Variants in GALNTL6 observed in about 807,000 individuals in gnomAD.
The protein encoded by GALNTL6 is polypeptide N-acetylgalactosaminyltransferase like 6.
GALNTL6 carries 46 observed loss-of-function variants against 73.7 expected under a neutral mutation model. That is an observed-to-expected ratio of 0.62 (90% CI 0.49 to 0.80). The LOEUF is 0.80. Among genes scored for constraint, GALNTL6 ranks in the 30% least tolerant of loss-of-function variants. The pLI is 0.00. For synonymous variants in GALNTL6, 259 were observed against 263.7 expected (o/e 0.98, Z 0.17); for missense variants, 604 against 755.0 (o/e 0.80, Z 2.34).
intron 5 of GALNTL6, among the ~76,000 whole-genome samples, chr4:172,663,463 A>G (rs1382939871): frequency 6.6e-6 from 1 of 152,182 alleles, no homozygotes; most frequent in Non-Finnish European, 1.5e-5. Flanking sequence ...CATGTACTGT[A>G]TATTCAACCC....
chr4:172,226,749 T>C (rs970905730), intron 2 of GALNTL6, among the ~76,000 whole-genome samples: 3 of 152,094 alleles, frequency 2.0e-5, no homozygotes, highest in African/African-American at 7.2e-5. Flanking sequence ...CTGTCTCTAA[T>C]TTTGTTTGTT....
At chr4:172,296,527 A>C (rs1000300049) in intron 3 of GALNTL6, among the ~76,000 whole-genome samples, 1 of 151,812 alleles carries the variant, frequency 6.6e-6, no homozygotes, top group African/African-American at 2.4e-5. Flanking sequence ...CCCACCCCAC[A>C]ACAGGCCCCA....
chr4:172,686,884 A>G (rs568522621), intron 5 of GALNTL6, among the ~76,000 whole-genome samples: 1 of 152,232 alleles, frequency 6.6e-6, no homozygotes, highest in Admixed American at 6.5e-5. Flanking sequence ...TCAGTCTCAC[A>G]CACATAATAC....
At chr4:172,239,137 C>T (rs879666288) in intron 3 of GALNTL6, among the ~76,000 whole-genome samples, 11 of 152,150 alleles carry the variant, frequency 7.2e-5, no homozygotes, top group Non-Finnish European at 1.6e-4. Context: ...GGAGGAATCT[C>T]TCCTACTCAA....
chr4:172,716,389 G>C (rs1207728426), intron 5 of GALNTL6, among the ~76,000 whole-genome samples: 2 of 152,166 alleles, frequency 1.3e-5, no homozygotes, highest in Admixed American at 6.5e-5. Context: ...TCACAGAGTA[G>C]TTCAGCTGAT....
At chr4:172,524,193 C>T (rs916667469) in intron 5 of GALNTL6, among the ~76,000 whole-genome samples, 2 of 151,760 alleles carry the variant, frequency 1.3e-5, no homozygotes, top group Admixed American at 1.3e-4. Context: ...TTTATCATTG[C>T]TTTTGTGAGT....
chr4:173,006,307 G>C (rs1045807754), intron 10 of GALNTL6, among the ~76,000 whole-genome samples: 5 of 152,160 alleles, frequency 3.3e-5, no homozygotes, highest in South Asian at 2.1e-4. Context: ...GAGTGTGTCT[G>C]TGAGTTAAAT....
At chr4:172,349,892 A>G (rs1741886487) in intron 5 of GALNTL6, among the ~76,000 whole-genome samples, 1 of 151,444 alleles carries the variant, frequency 6.6e-6, no homozygotes, top group Non-Finnish European at 1.5e-5. Flanking sequence ...GATTTTAAAG[A>G]GGTTTTTGTC....
At chr4:172,176,337 C>CAAAAAAAAAAA (rs562300659) in intron 2 of GALNTL6, among the ~76,000 whole-genome samples, 18,825 of 31,240 alleles carry the variant, frequency 0.6, 8,553 homozygotes, top group Middle Eastern at 1. Flanking sequence ...GACTCCGTCT[C>CAAAAAAAAAAA]AAAAAAAAAA....
chr4:172,431,626 C>T (rs1731455312), intron 5 of GALNTL6, among the ~76,000 whole-genome samples: 1 of 151,970 alleles, frequency 6.6e-6, no homozygotes, highest in South Asian at 2.1e-4. Context: ...AATGTGAATA[C>T]CATATTTCTA....
chr4:172,723,703 ACAAT>A (rs1185596866), intron 5 of GALNTL6, among the ~76,000 whole-genome samples: 2 of 152,154 alleles, frequency 1.3e-5, no homozygotes, highest in African/African-American at 4.8e-5. Flanking sequence ...ATGCCAAGTA[ACAAT>A]CAATTAAGTT....
chr4:171,941,325 AG>A (rs1233553578), intron 2 of GALNTL6, among the ~76,000 whole-genome samples: 6 of 152,228 alleles, frequency 3.9e-5, no homozygotes, highest in Non-Finnish European at 7.3e-5. Flanking sequence ...TTGAAAAAAA[AG>A]AAAAATTAGC....
chr4:172,472,360 C>G (rs2111465245), intron 5 of GALNTL6, among the ~76,000 whole-genome samples: 1 of 152,210 alleles, frequency 6.6e-6, no homozygotes, highest in East Asian at 1.9e-4. Flanking sequence ...GAATCTGAAC[C>G]CTTTAGTTAG....
At chr4:172,673,668 A>G (rs755751653) in intron 5 of GALNTL6, among the ~76,000 whole-genome samples, 3 of 152,224 alleles carry the variant, frequency 2.0e-5, no homozygotes, top group Non-Finnish European at 4.4e-5. Context: ...TATTGGATGC[A>G]TATATATTTA....
chr4:172,069,208 A>G lies in GALNTL6; in HGVS notation c.139-160448A>G, dbSNP rs1228252103. ...ATATGCAATTTTTTCCTATGTATTG[A>G]TAACCTAGGTCATTAAAGATGATTA... On this transcript the variant is annotated intron_variant, in intron 2 of 12. Coordinates refer to ENST00000506823, the MANE Select transcript of GALNTL6 (RefSeq NM_001034845.3). Among the ~76,000 whole-genome samples, 3 of 108,138 alleles carry G rather than the reference A, an allele frequency of 2.8e-5. 1 individual carries two copies. The highest frequency in any genetic ancestry group is 1.0e-4 in the African/African-American group (3 of 28,714). 70.9% of individuals were successfully genotyped at this position (108,138 alleles called of 152,430 possible). A position where few individuals can be genotyped will look rare whatever the true frequency, so the allele number is the denominator to read the frequency against.
intron 2 of GALNTL6, among the ~76,000 whole-genome samples, chr4:171,853,870 C>T (rs1735603876): frequency 6.6e-6 from 1 of 152,080 alleles, no homozygotes; most frequent in African/African-American, 2.4e-5. Context: ...CATCGGCCTC[C>T]AAAAGTGCTG....
chr4:171,994,223 A>G (rs931174448), intron 2 of GALNTL6, among the ~76,000 whole-genome samples: 1 of 152,106 alleles, frequency 6.6e-6, no homozygotes, highest in Non-Finnish European at 1.5e-5. Context: ...TTCAGACCAC[A>G]CCCAGACTGT....
At chr4:172,449,105 A>G (rs1250821643) in intron 5 of GALNTL6, among the ~76,000 whole-genome samples, 3 of 152,088 alleles carry the variant, frequency 2.0e-5, no homozygotes, top group Non-Finnish European at 1.5e-5. Flanking sequence ...GGATCCAAAC[A>G]TTTGGGCTTC....
intron 2 of GALNTL6, among the ~76,000 whole-genome samples, chr4:172,053,320 A>G (rs1156731871): frequency 6.6e-6 from 1 of 152,152 alleles, no homozygotes; most frequent in East Asian, 1.9e-4. Context: ...CAACAGACCA[A>G]GCAGGTGCTA....
Sources: gnomAD v4.1 joint callset for allele counts (sites outside exome capture counted in the v4.1 genomes callset) on GRCh38, gnomAD v4.1.1 for gene constraint, MANE v1.5 for transcripts, NCBI Gene and HGNC (gene_info 2026-07-23, HGNC 2026-07-21) for gene names.